FDXACB1: variants seen among roughly 807,000 people sequenced by gnomAD.
FDXACB1 encodes ferredoxin-fold anticodon binding domain containing 1, also known as ferredoxin-fold anticodon-binding domain-containing protein 1.
A neutral mutation model predicts 51.7 loss-of-function variants in FDXACB1; 41 were observed. The observed-to-expected ratio is 0.79, with a 90% confidence interval of 0.62 to 1.03. The LOEUF is 1.03. FDXACB1 is among the 50% of genes least tolerant of loss of function. FDXACB1 has a pLI of 0.00. For missense variants in FDXACB1, 697 were observed against 746.4 expected (o/e 0.93, Z 0.77); for synonymous variants, 273 against 278.6 (o/e 0.98, Z 0.20).
rs1346079746 is a variant in FDXACB1 at position 111,876,118 on chromosome 11, C to A, written c.693-14G>T. 6.4e-6 allele frequency: 10 copies of A among 1,560,700 alleles called. No individual in the cohort carries two copies. The highest frequency in any genetic ancestry group is 1.7e-4 in the Middle Eastern group (1 of 5,860). ...TCCAGGAAACCCCTGTTTAAACACA[C>A]ACAAAAATAACTTTTCTAACTTAAG... is the stretch of plus-strand genomic sequence containing the variant. On this transcript the variant is annotated splice_polypyrimidine_tract_variant and intron_variant, in intron 4 of 4. Coordinates refer to ENST00000260257, the MANE Select transcript of FDXACB1 (RefSeq NM_138378.3).
intron 2 of FDXACB1, 83 bp downstream of exon 2, chr11:111,878,473 G>A (rs1486312989): frequency 1.1e-5 from 15 of 1,404,314 alleles, no homozygotes; most frequent in Non-Finnish European, 1.4e-5. Flanking sequence ...ATAGTAGCTT[G>A]CACGTGTGCC....
At chr11:111,878,492 G>C in intron 2 of FDXACB1, 64 bp downstream of exon 2, 2 of 1,479,532 alleles carry the variant, frequency 1.4e-6, no homozygotes, top group Non-Finnish European at 1.8e-6. Context: ...CCTTATGTTT[G>C]GGTACAGTAA....
At chr11:111,878,886 C>T in intron 1 of FDXACB1, 75 bp downstream of exon 1, 1 of 1,540,530 alleles carries the variant, frequency 6.5e-7, no homozygotes, top group South Asian at 1.2e-5. Context: ...GGGTTACATC[C>T]CCACGCCCCC....
Position 111,875,107 on chromosome 11 carries a change from G to A in FDXACB1, c.1690C>T (p.Gln564Ter), listed in dbSNP as rs1555161859. 3 of 1,613,900 alleles carry A rather than the reference G, an allele frequency of 1.9e-6. No homozygotes were observed. The highest frequency in any genetic ancestry group is 2.7e-5 in the African/African-American group (2 of 75,040). The part of the protein sequence containing the change: ...EFHTVARAVS[Q>*]DTIISIQFLS... ...AACTGTATGGATATAATAGTGTCCT[G>A]AGACACTGCTCGGGCCACAGTGTGA... Residue 564 changes from glutamine (Q) to a stop codon, truncating the protein, a stop_gained, in exon 5 of 5, where the codon CAG becomes TAG. Coordinates refer to ENST00000260257, the MANE Select transcript of FDXACB1 (RefSeq NM_138378.3). LOFTEE classifies it high-confidence loss of function.
At position 111,875,939 on chromosome 11, in the gene FDXACB1, T is replaced by G; in HGVS notation, c.858A>C (p.Ser286=). The stretch of plus-strand genomic sequence containing the variant: ...CATGGAGACTAATCCAAAAAGCAGC[T>G]GACAGAAAGTCACAATTCCAGAAAG... ...VLPFWNCDFL[S]AAFWISLHED... The change falls in exon 5 of 5, where the codon TCA becomes TCC. Residue 286 remains serine, a synonymous_variant. Coordinates refer to ENST00000260257, the MANE Select transcript of FDXACB1 (RefSeq NM_138378.3). 6.2e-7 allele frequency: 1 copy of G among 1,613,964 alleles called. No individual in the cohort carries two copies. The highest frequency in any genetic ancestry group is 1.7e-5 in the Admixed American group (1 of 60,024).
In FDXACB1 at chr11:111,875,988, G is replaced by A. The variant is rs1225774726; in HGVS notation, c.809C>T (p.Pro270Leu). Residue 270 changes from proline to leucine, a missense_variant, in exon 5 of 5, where the codon CCA becomes CTA. Pro to Leu is a moderately conservative substitution (Grantham distance 98). This residue lies in a region of FDXACB1 where 538 missense variants were observed against 592.2 expected (regional missense o/e 0.91). Transcript: ENST00000260257. ...KRLKCSYPLL[P>L]QEGTSVLPFW... ...AGGAAGAACACTGGTACCTTCCTGTGGCAGCAAAGGGTAGGAACACTTCAG... is the reference window on the plus strand; with the variant it reads ...AGGAAGAACACTGGTACCTTCCTGTAGCAGCAAAGGGTAGGAACACTTCAG... 6.2e-7 allele frequency: 1 copy of A among 1,613,812 alleles called. No individual in the cohort carries two copies. The highest frequency in any genetic ancestry group is 1.3e-5 in the African/African-American group (1 of 74,914).
At chr11:111,876,736 G>A (rs1964824235) in intron 3 of FDXACB1, 72 bp downstream of exon 3, 2 of 1,590,712 alleles carry the variant, frequency 1.3e-6, no homozygotes, top group Admixed American at 1.7e-5. Context: ...TATTGAGTCT[G>A]TCTATGAGAT....
In FDXACB1 at chr11:111,877,006, GCA is replaced by G; in HGVS notation, c.333_334del (p.Ala112ArgfsTer15). The G allele has an allele frequency of 1.3e-6, 2 of 1,579,532 alleles. No homozygotes were observed. The highest frequency in any genetic ancestry group is 1.7e-6 in the Non-Finnish European group (2 of 1,161,496). On this transcript the variant is annotated frameshift_variant, in exon 3 of 5. Coordinates refer to ENST00000260257, the MANE Select transcript of FDXACB1 (RefSeq NM_138378.3). LOFTEE classifies it high-confidence loss of function. ...TTCTCCTTCCTCTGCAAGAACGTCT[GCA>G]CAGCTAATAGGGAGAAAAGAAACAC...
Position 111,875,659 on chromosome 11 carries a change from A to C in FDXACB1, c.1138T>G (p.Cys380Gly). Residue 380 changes from cysteine to glycine, a missense_variant, in exon 5 of 5, where the codon TGC becomes GGC. Cys to Gly is a radical substitution (Grantham distance 159, BLOSUM62 -3). Coordinates refer to ENST00000260257, the MANE Select transcript of FDXACB1 (RefSeq NM_138378.3). ...GGCATTGTGAAAGGCAAAATGTGGC[A>C]CTTCTGAAAGACAGGTCCACTGAGG... ...HILSGPVFQK[C>G]HILPFTMPAF... is the part of the protein sequence containing the mutation. 1 of 1,613,488 alleles carries C rather than the reference A, an allele frequency of 6.2e-7. No individual in the cohort carries two copies.
At chr11:111,877,448 C>G (rs1203643132) in intron 2 of FDXACB1, among the ~76,000 whole-genome samples, 1 of 150,624 alleles carries the variant, frequency 6.6e-6, no homozygotes, top group African/African-American at 2.4e-5. Context: ...AGTATCATGT[C>G]TTGTGGTATA....
Position 111,878,590 on chromosome 11 carries a change from T to A in FDXACB1, c.295A>T (p.Lys99Ter), listed in dbSNP as rs373717788. 89 of 1,601,330 alleles carry A rather than the reference T, an allele frequency of 5.6e-5. No homozygotes were observed. The highest frequency in any genetic ancestry group is 7.3e-5 in the Non-Finnish European group (86 of 1,173,676). Residue 99 changes from lysine (K) to a stop codon, truncating the protein, a stop_gained, in exon 2 of 5, where the codon AAG becomes TAG. Coordinates refer to ENST00000260257, the MANE Select transcript of FDXACB1 (RefSeq NM_138378.3). LOFTEE classifies it high-confidence loss of function. ...AATTTGGCAAGCAGTTCCCTGTTCT[T>A]AGCTACGCCAGCTTTGCGTCCACAA... ...PHCGRKAGVA[K>*]NRELLAKFFQ... is the part of the protein sequence containing the mutation.
rs368645940 is a variant in FDXACB1 at position 111,878,984 on chromosome 11, T to C, written c.149A>G (p.Asn50Ser). Residue 50 changes from asparagine (N) to serine (S), a missense_variant, in exon 1 of 5, where the codon AAT (asparagine) becomes AGT (serine). By Grantham distance (46) the Asn-to-Ser change is conservative. Around this residue, in one of 3 missense-constraint regions of FDXACB1, gnomAD observed 153 missense variants for 133.5 expected, o/e 1.15. Coordinates refer to ENST00000260257, the MANE Select transcript of FDXACB1 (RefSeq NM_138378.3). Reference sequence around the variant, plus strand: ...ACCTCGCTCGCGCAGGCACTGCAGATTCTCCCAGGCCAGTGGATCCCGAGC... The same window carrying C: ...ACCTCGCTCGCGCAGGCACTGCAGACTCTCCCAGGCCAGTGGATCCCGAGC... Reference protein sequence around the residue: ...ELARDPLAWENLQCLRERGID... With the variant: ...ELARDPLAWESLQCLRERGID... The C allele has an allele frequency of 1.7e-5, 28 of 1,608,376 alleles. No individual in the cohort carries two copies. Among genetic ancestry groups the C allele is most frequent in the Admixed American group, 3.4e-5 (2 of 58,910 alleles).
chr11:111,876,450 G>T, intron 4 of FDXACB1, 31 bp downstream of exon 4: 1 of 1,606,268 alleles, frequency 6.2e-7, no homozygotes, highest in South Asian at 1.1e-5. Flanking sequence ...AACTGGAGAT[G>T]GAAGTGATTT....
rs1555161967 is a variant in FDXACB1, at chr11:111,875,544, A to T, written c.1253T>A (p.Ile418Asn). The change falls in exon 5 of 5, where the codon ATT becomes AAT. Residue 418 changes from isoleucine (I) to asparagine (N), a missense_variant. Physicochemically the swap from Ile to Asn is moderately radical, Grantham distance 149 (BLOSUM62 -3). Transcript: ENST00000260257. ...LQSLLDHLKG[I>N]LDSLLTQTLP... ...TGTCTGGGTCAGCAGGCTATCTAGA[A>T]TGCCCTTCAGATGATCCAGCAGTGA... 2 of 1,611,420 alleles carry T rather than the reference A, an allele frequency of 1.2e-6. No individual in the cohort carries two copies. Among genetic ancestry groups the T allele is most frequent in the Non-Finnish European group, 1.7e-6 (2 of 1,179,518 alleles).
In FDXACB1 at chr11:111,876,864, G is replaced by T; in HGVS notation, c.477C>A (p.Ser159Arg). 6.2e-7 allele frequency: 1 copy of T among 1,613,768 alleles called. No homozygotes were observed. The highest frequency in any genetic ancestry group is 8.5e-7 in the Non-Finnish European group (1 of 1,179,794). ...AMAALGGLILSDVYPFSCKAV... is the reference protein window; with the variant it reads ...AMAALGGLILRDVYPFSCKAV... ...CCTTACAGCTGAATGGATACACGTCGCTTAAAATGAGCCCCCCCAGGGCTG... is the reference window on the plus strand; with the variant it reads ...CCTTACAGCTGAATGGATACACGTCTCTTAAAATGAGCCCCCCCAGGGCTG... The change falls in exon 3 of 5, where the codon AGC (serine) becomes AGA (arginine). Residue 159 changes from serine to arginine, a missense_variant. Physicochemically the swap from Ser to Arg is moderately radical, Grantham distance 110. This residue lies in a region of FDXACB1 where 538 missense variants were observed against 592.2 expected (regional missense o/e 0.91). Transcript: ENST00000260257.
At chr11:111,876,779 A>G (rs1555162214) in intron 3 of FDXACB1, 29 bp downstream of exon 3, 1 of 1,607,282 alleles carries the variant, frequency 6.2e-7, no homozygotes, top group South Asian at 1.1e-5. Flanking sequence ...ATGAAAACGC[A>G]GAAGGCTTAA....
Position 111,876,534 on chromosome 11 carries a change from AC to A in FDXACB1, c.638del (p.Gly213ValfsTer14). The A allele has an allele frequency of 6.2e-7, 1 of 1,614,044 alleles. No homozygotes were observed. The highest frequency in any genetic ancestry group is 8.5e-7 in the Non-Finnish European group (1 of 1,179,888). On this transcript the variant is annotated frameshift_variant, in exon 4 of 5. Transcript: ENST00000260257. LOFTEE classifies it high-confidence loss of function. ...SQPRIFRIKLGNQWFSFPEPE... is the reference protein window; with the variant it reads ...SQPRIFRIKLXNQWFSFPEPE... ...GTTCTGGAAAGGAAAACCACTGGTTACCCAGTTTGATCCTGAAGATTCTGGG... is the reference window on the plus strand; with the variant it reads ...GTTCTGGAAAGGAAAACCACTGGTTACCAGTTTGATCCTGAAGATTCTGGG...
intron 2 of FDXACB1, among the ~76,000 whole-genome samples, chr11:111,877,383 AT>A (rs1964837244): frequency 6.6e-6 from 1 of 152,194 alleles, no homozygotes; most frequent in Admixed American, 6.5e-5. Context: ...CTAGTTTAAA[AT>A]ACCACCTCTG....
At position 111,875,570 on chromosome 11, in the gene FDXACB1, T is replaced by C. The variant is rs374372394; in HGVS notation, c.1227A>G (p.Gln409=). 123 of 1,611,802 alleles carry C rather than the reference T, an allele frequency of 7.6e-5. No homozygotes were observed. The Middle Eastern group carries it at 8.2e-4, about 11-fold the overall frequency. ...TGCCCTTCAGATGATCCAGCAGTGA[T>C]TGAAGACAGCCATCCTTCAGATTTT... ...VNQNLKDGCL[Q]SLLDHLKGIL... is the part of the protein sequence containing the mutation. The change falls in exon 5 of 5, where the codon CAA becomes CAG. Residue 409 remains glutamine, a synonymous_variant. Transcript: ENST00000260257.
Sources: allele counts gnomAD v4.1 joint callset (sites outside exome capture counted in the v4.1 genomes callset), GRCh38; gene constraint gnomAD v4.1.1; regional missense constraint gnomAD v4.1.1; transcripts MANE v1.5; gene names NCBI Gene and HGNC (gene_info 2026-07-23, HGNC 2026-07-21).